CEP70: variants seen among roughly 807,000 people sequenced by gnomAD.
The protein encoded by CEP70 is centrosomal protein 70, also known as centrosomal protein of 70 kDa.
A neutral mutation model predicts 90.9 loss-of-function variants in CEP70; 70 were observed. The observed-to-expected ratio is 0.77, with a 90% CI of 0.64 to 0.94. The LOEUF is 0.94. Among genes scored for constraint, CEP70 ranks in the 40% least tolerant of loss-of-function variants. CEP70 has a pLI of 0.00. For missense variants in CEP70, 648 were observed against 669.0 expected (o/e 0.97, Z 0.35); for synonymous variants, 220 against 228.3 (o/e 0.96, Z 0.33).
At chr3:138,591,277 A>C (rs1018185843) in intron 2 of CEP70, among the ~76,000 whole-genome samples, 2 of 152,204 alleles carry the variant, frequency 1.3e-5, no homozygotes, top group Non-Finnish European at 2.9e-5. Flanking sequence ...GGCTGTGTGT[A>C]TAAGCTGTAT....
At chr3:138,589,182 G>A (rs1157437819) in intron 2 of CEP70, among the ~76,000 whole-genome samples, 1 of 152,090 alleles carries the variant, frequency 6.6e-6, no homozygotes, top group Non-Finnish European at 1.5e-5. Flanking sequence ...TACTACATAT[G>A]TGCAGCTTAT....
intron 10 of CEP70, among the ~76,000 whole-genome samples, chr3:138,527,030 G>GTA (rs570299169): frequency 3.3e-5 from 5 of 152,064 alleles, no homozygotes; most frequent in Non-Finnish European, 7.4e-5. Context: ...AGTAAATATT[G>GTA]TATAGCTCCA....
intron 6 of CEP70, among the ~76,000 whole-genome samples, chr3:138,554,200 GAA>G (rs58728127): frequency 1.5e-5 from 2 of 131,522 alleles, no homozygotes; most frequent in African/African-American, 5.5e-5. Flanking sequence ...GACTCCATAT[GAA>G]AAAAAAAAAA....
At chr3:138,551,260 G>C (rs1385577139) in intron 6 of CEP70, among the ~76,000 whole-genome samples, 1 of 152,172 alleles carries the variant, frequency 6.6e-6, no homozygotes, top group Admixed American at 6.5e-5. Context: ...TTTGTATCCA[G>C]AGAAACTAAG....
At chr3:138,562,913 TTAGA>T (rs1262644013) in intron 6 of CEP70, among the ~76,000 whole-genome samples, 1 of 152,052 alleles carries the variant, frequency 6.6e-6, no homozygotes, top group Non-Finnish European at 1.5e-5. Context: ...GATTGGCAAA[TTAGA>T]TAGAGTCAAG....
chr3:138,531,915 T>C (rs573471910), intron 8 of CEP70, among the ~76,000 whole-genome samples: 5 of 152,192 alleles, frequency 3.3e-5, no homozygotes, highest in Non-Finnish European at 7.4e-5. Context: ...CTCAAATAAA[T>C]ATTTGTTAAA....
At chr3:138,542,614 G>A (rs1468111352) in intron 6 of CEP70, among the ~76,000 whole-genome samples, 1 of 152,202 alleles carries the variant, frequency 6.6e-6, no homozygotes, top group African/African-American at 2.4e-5. Context: ...AGGGTGGGAG[G>A]CCTATGATGT....
chr3:138,511,238 C>T (rs1487082746), intron 11 of CEP70, among the ~76,000 whole-genome samples: 1 of 152,236 alleles, frequency 6.6e-6, no homozygotes, highest in African/African-American at 2.4e-5. Context: ...CAATTACCTA[C>T]ACCAGTCACA....
chr3:138,585,654 A>AT (rs1460245536), intron 2 of CEP70, among the ~76,000 whole-genome samples: 1 of 152,208 alleles, frequency 6.6e-6, no homozygotes, highest in Non-Finnish European at 1.5e-5. Flanking sequence ...GCAGAGCTAT[A>AT]TTAACTAAAA....
chr3:138,549,467 G>A (rs1208770151), intron 6 of CEP70, among the ~76,000 whole-genome samples: 1 of 151,912 alleles, frequency 6.6e-6, no homozygotes, highest in Non-Finnish European at 1.5e-5. Context: ...CAATCTGCAT[G>A]ACACAGCAGA....
Position 138,515,467 on chromosome 3 carries a change from C to CAAAAAAAAAAAAA in CEP70, c.945-6936_945-6924dup, listed in dbSNP as rs145902706. On this transcript the variant is annotated intron_variant, in intron 11 of 17. Coordinates refer to ENST00000264982, the MANE Select transcript of CEP70 (RefSeq NM_024491.4). ...ATCACCAACAAAAGGCATAGAAATG[C>CAAAAAAAAAAAAA]AAAAAAAAAAAAAAAAAAAAAGTAT... 9.2e-5 allele frequency among the ~76,000 whole-genome samples: 6 copies of CAAAAAAAAAAAAA among 65,392 alleles called. No homozygotes were observed. In the East Asian group the frequency reaches 1.7e-3, roughly 19 times the overall value. The allele number at this position is 65,392 out of a possible 152,430, so 42.9% of individuals were successfully genotyped here.
intron 12 of CEP70, among the ~76,000 whole-genome samples, chr3:138,507,994 A>G (rs1576547856): frequency 6.6e-6 from 1 of 152,340 alleles, no homozygotes; most frequent in Admixed American, 6.5e-5. Flanking sequence ...TAAATGATCT[A>G]TAAAACTAGG....
intron 17 of CEP70, 84 bp from the exon 18 acceptor site, chr3:138,495,160 G>T: frequency 1.3e-6 from 1 of 762,954 alleles, no homozygotes; most frequent in Non-Finnish European, 2.2e-6. Context: ...ATATGCAAAG[G>T]CAAACCCCAA....
chr3:138,593,119 A>C (rs2042465386), intron 1 of CEP70: 1 of 152,176 alleles, frequency 6.6e-6, no homozygotes, highest in South Asian at 2.1e-4. Flanking sequence ...TCTTCCCCAA[A>C]AGGCGGGGCA....
chr3:138,570,922 T>C (rs2041129350), intron 5 of CEP70, 112 bp downstream of exon 5: 1 of 878,258 alleles, frequency 1.1e-6, no homozygotes, highest in Admixed American at 3.2e-5. Flanking sequence ...AAAAATATTT[T>C]TTAGTTTAAT....
chr3:138,544,108 G>C (rs2038977520), intron 6 of CEP70, among the ~76,000 whole-genome samples: 1 of 152,010 alleles, frequency 6.6e-6, no homozygotes, highest in Admixed American at 6.6e-5. Flanking sequence ...GGCCGACACA[G>C]TAAAATCCCC....
intron 7 of CEP70, 142 bp from the exon 8 acceptor site, chr3:138,532,712 C>A (rs2037934528): frequency 1.5e-6 from 1 of 645,470 alleles, no homozygotes; most frequent in Non-Finnish European, 2.3e-6. Context: ...GTGATTCTTA[C>A]CAAAAAGCAA....
chr3:138,562,918 T>TA (rs1237005407), intron 6 of CEP70, among the ~76,000 whole-genome samples: 1 of 151,898 alleles, frequency 6.6e-6, no homozygotes, highest in Admixed American at 6.6e-5. Context: ...GCAAATTAGA[T>TA]AGAGTCAAGA....
chr3:138,568,821 T>C (rs1459059957), intron 6 of CEP70, among the ~76,000 whole-genome samples: 1 of 151,452 alleles, frequency 6.6e-6, no homozygotes, highest in Admixed American at 6.6e-5. Context: ...TCTACTAAAA[T>C]ACAAACAATT....
Sources: allele counts gnomAD v4.1 joint callset (sites outside exome capture counted in the v4.1 genomes callset), GRCh38; gene constraint gnomAD v4.1.1; transcripts MANE v1.5; gene names NCBI Gene and HGNC (gene_info 2026-07-23, HGNC 2026-07-21).